JMJD7: variants seen among roughly 807,000 people sequenced by gnomAD.
JMJD7 encodes the protein bifunctional peptidase and (3S)-lysyl hydroxylase JMJD7.
JMJD7 carries 41 observed loss-of-function variants against 41.1 expected under a neutral mutation model. That is an observed-to-expected ratio of 1.00 (90% confidence interval 0.78 to 1.30). JMJD7 has a LOEUF of 1.30. Ranked by LOEUF, JMJD7 falls within the 50% of genes most tolerant of loss-of-function variation. The pLI is 0.00. For missense variants in JMJD7, 480 were observed against 420.7 expected (o/e 1.14, Z -1.23); for synonymous variants, 202 against 177.2 (o/e 1.14, Z -1.11).
intron 1 of JMJD7, among the ~76,000 whole-genome samples, chr15:41,831,496 A>T (rs888898468): frequency 6.6e-6 from 1 of 152,226 alleles, no homozygotes; most frequent in African/African-American, 2.4e-5. Context: ...TAACCACCAA[A>T]TGGAAACCAC....
intron 1 of JMJD7, among the ~76,000 whole-genome samples, chr15:41,830,182 C>T (rs1314094122): frequency 1.3e-5 from 2 of 152,172 alleles, no homozygotes; most frequent in Non-Finnish European, 2.9e-5. Context: ...GCAGCCTGAA[C>T]CTCGCTCCCT....
intron 1 of JMJD7, among the ~76,000 whole-genome samples, chr15:41,832,955 C>G (rs2065250297): frequency 6.6e-6 from 1 of 152,132 alleles, no homozygotes; most frequent in African/African-American, 2.4e-5. Flanking sequence ...AAAGGTACCA[C>G]CTGAATAGAG....
chr15:41,836,955 A>G lies in JMJD7; in HGVS notation c.862+15A>G, dbSNP rs2065331032. On this transcript the variant is annotated intron_variant, in intron 7 of 7. Coordinates refer to ENST00000397299, the MANE Select transcript of JMJD7 (RefSeq NM_001114632.2). ...CTGCATCGCAGGTGAAGAGTTGCCCAGGCCGCCTGGGGAGAGGCCCTGTCA... is the reference window on the plus strand; with the variant it reads ...CTGCATCGCAGGTGAAGAGTTGCCCGGGCCGCCTGGGGAGAGGCCCTGTCA... The G allele has an allele frequency of 6.2e-7, 1 of 1,611,744 alleles. No homozygotes were observed.
chr15:41,835,679 G>A, intron 4 of JMJD7, 35 bp downstream of exon 4: 1 of 1,600,262 alleles, frequency 6.2e-7, no homozygotes, highest in Non-Finnish European at 8.5e-7. Context: ...TGGGGAAGGA[G>A]CAGGTTGGGG....
intron 1 of JMJD7, among the ~76,000 whole-genome samples, chr15:41,834,485 G>C (rs189220103): frequency 6.6e-6 from 1 of 152,376 alleles, no homozygotes; most frequent in Admixed American, 6.5e-5. Flanking sequence ...CCCCACAGGG[G>C]ATTTGGCTTA....
At chr15:41,835,770 T>G in intron 4 of JMJD7, 126 bp downstream of exon 4, 2 of 1,229,130 alleles carry the variant, frequency 1.6e-6, no homozygotes, top group Non-Finnish European at 2.2e-6. Context: ...TTCTTTTGGC[T>G]TCTAGGACTC....
In JMJD7 at chr15:41,835,008, C is replaced by T; in HGVS notation, c.257C>T (p.Thr86Ile). The T allele has an allele frequency of 1.2e-6, 2 of 1,614,094 alleles. No individual in the cohort carries two copies. The highest frequency in any genetic ancestry group is 2.2e-5 in the East Asian group (1 of 44,888). ...VGSTEVSVAV[T>I]PDGYADAVRG... Reference sequence around the variant, plus strand: ...TCCACAGAGGTGAGTGTGGCCGTGACCCCAGATGGTTACGCGGATGCCGTG... The same window carrying T: ...TCCACAGAGGTGAGTGTGGCCGTGATCCCAGATGGTTACGCGGATGCCGTG... Residue 86 changes from threonine to isoleucine, a missense_variant, in exon 3 of 8, where the codon ACC becomes ATC. Thr to Ile is a moderately conservative substitution (Grantham distance 89). Coordinates refer to ENST00000397299, the MANE Select transcript of JMJD7 (RefSeq NM_001114632.2).
intron 1 of JMJD7, chr15:41,828,489 C>T (rs1435097699): frequency 6.4e-6 from 2 of 310,112 alleles, no homozygotes; most frequent in Non-Finnish European, 1.2e-5. Flanking sequence ...TCATCGAAGG[C>T]ACACAGCTGG....
chr15:41,837,037 C>T (rs2140883162), intron 7 of JMJD7, 31 bp from the exon 8 acceptor site: 1 of 1,609,492 alleles, frequency 6.2e-7, no homozygotes, highest in Non-Finnish European at 8.5e-7. Flanking sequence ...GAAGAGGGAT[C>T]TTCATGCTCA....
rs767689174 is a variant in JMJD7, at chr15:41,837,124, G to A, written c.919G>A (p.Asp307Asn). 51 of 1,613,076 alleles carry A rather than the reference G, an allele frequency of 3.2e-5. No homozygotes were observed. Among genetic ancestry groups the A allele is most frequent in the East Asian group, 2.9e-4 (13 of 44,880 alleles). ...CAAGTATAGTTACTTCCAGCTGCTC[G>A]ACTCCCTCACCAAGGCTTCAGGCCT... ...DLKYSYFQLLDSLTKASGLD is the reference protein window; with the variant it reads ...DLKYSYFQLLNSLTKASGLD Residue 307 changes from aspartate (D) to asparagine (N), a missense_variant, in exon 8 of 8, where the codon GAC becomes AAC. Asp to Asn is a conservative substitution (Grantham distance 23). Coordinates refer to ENST00000397299, the MANE Select transcript of JMJD7 (RefSeq NM_001114632.2).
chr15:41,828,162 T>TA lies in JMJD7; in HGVS notation c.39dup (p.Arg14ThrfsTer91). 6.7e-7 allele frequency: 1 copy of TA among 1,492,782 alleles called. No homozygotes were observed. Among genetic ancestry groups the TA allele is most frequent in the Non-Finnish European group, 8.8e-7 (1 of 1,130,124 alleles). 92.5% of individuals were successfully genotyped at this position (1,492,782 alleles called of 1,614,324 possible). Reference sequence around the variant, plus strand: ...GCTTTGGAAGCCGTGCGGAGCGAGTTACGAGAATTCCCGGCCGCTGCAAGG... The same window carrying TA: ...GCTTTGGAAGCCGTGCGGAGCGAGTTAACGAGAATTCCCGGCCGCTGCAAGG... On this transcript the variant is annotated frameshift_variant, in exon 1 of 8. Transcript: ENST00000397299. LOFTEE classifies it high-confidence loss of function.
intron 7 of JMJD7, 59 bp downstream of exon 7, chr15:41,836,999 G>C (rs929013359): frequency 1.4e-5 from 22 of 1,608,308 alleles, no homozygotes; most frequent in South Asian, 3.3e-5. Context: ...CAGGGCCTCT[G>C]GGGGGAGGCT....
chr15:41,830,810 C>T (rs1472514058), intron 1 of JMJD7, among the ~76,000 whole-genome samples: 3 of 152,260 alleles, frequency 2.0e-5, no homozygotes, highest in Non-Finnish European at 2.9e-5. Context: ...AGTGCTGACA[C>T]ACCAGCCCCC....
At chr15:41,833,617 C>T (rs2065266145) in intron 1 of JMJD7, among the ~76,000 whole-genome samples, 1 of 151,184 alleles carries the variant, frequency 6.6e-6, no homozygotes. Context: ...GATGGGGTCT[C>T]CCTACGTTGC....
At position 41,836,934 on chromosome 15, in the gene JMJD7, A is replaced by G. The variant is rs1247699889; in HGVS notation, c.856A>G (p.Ile286Val). The G allele has an allele frequency of 3.1e-6, 5 of 1,612,816 alleles. No individual in the cohort carries two copies. Among genetic ancestry groups the G allele is most frequent in the Non-Finnish European group, 3.4e-6 (4 of 1,179,312 alleles). ...FHHVQQSQGC[I>V]AVNFWYDMEY... Reference sequence around the variant, plus strand: ...CCACGTCCAGCAGTCCCAGGGCTGCATCGCAGGTGAAGAGTTGCCCAGGCC... The same window carrying G: ...CCACGTCCAGCAGTCCCAGGGCTGCGTCGCAGGTGAAGAGTTGCCCAGGCC... The change falls in exon 7 of 8, where the codon ATC (isoleucine) becomes GTC (valine). Residue 286 changes from isoleucine to valine, a missense_variant. Physicochemically the swap from Ile to Val is conservative, Grantham distance 29 (BLOSUM62 3). Transcript: ENST00000397299.
Position 41,834,799 on chromosome 15 carries a change from T to C in JMJD7, c.124T>C (p.Tyr42His). The C allele has an allele frequency of 1.1e-5, 18 of 1,614,196 alleles. No individual in the cohort carries two copies. The highest frequency in any genetic ancestry group is 1.5e-5 in the Non-Finnish European group (18 of 1,180,036). The stretch of plus-strand genomic sequence containing the variant: ...CAAACCCCCAACTCCGCTCCACTTC[T>C]ACCGGGACTGGGTCTGCCCCAACAG... Reference protein sequence around the residue: ...LDKPPTPLHFYRDWVCPNRPC... With the variant: ...LDKPPTPLHFHRDWVCPNRPC... The change falls in exon 2 of 8, where the codon TAC becomes CAC. Residue 42 changes from tyrosine (Y) to histidine (H), a missense_variant. Coordinates refer to ENST00000397299, the MANE Select transcript of JMJD7 (RefSeq NM_001114632.2).
chr15:41,834,887 A>G lies in JMJD7; in HGVS notation c.212A>G (p.Tyr71Cys), dbSNP rs148006565. 69 of 1,613,552 alleles carry G rather than the reference A, an allele frequency of 4.3e-5. No individual in the cohort carries two copies. Among genetic ancestry groups the G allele is most frequent in the African/African-American group, 6.7e-5 (5 of 74,856 alleles). The part of the protein sequence containing the change: ...WPALQKWSLP[Y>C]FRATVGSTEV... ...GCCCTCCAGAAGTGGTCCCTCCCCT[A>G]TTTCAGGTGGGAGCTGCCCTGGGGT... Residue 71 changes from tyrosine to cysteine, a missense_variant, in exon 2 of 8, where the codon TAT (tyrosine) becomes TGT (cysteine). Coordinates refer to ENST00000397299, the MANE Select transcript of JMJD7 (RefSeq NM_001114632.2).
intron 1 of JMJD7, among the ~76,000 whole-genome samples, chr15:41,833,414 A>ATATATATATATATATATAGATGTTTGT (rs1239528383): frequency 3.1e-5 from 1 of 31,998 alleles, no homozygotes; most frequent in Non-Finnish European, 6.1e-5. Context: ...ATATATATAT[A>ATATATATATATATATATAGATGTTTGT]TTTTTTTTTT....
chr15:41,833,430 T>TTTTTA (rs1395812090), intron 1 of JMJD7, among the ~76,000 whole-genome samples: 3 of 101,832 alleles, frequency 2.9e-5, no homozygotes, highest in African/African-American at 8.9e-5. Context: ...TTTTTTTTTT[T>TTTTTA]TTTTTTTTGA....
Sources: gnomAD v4.1 joint callset for allele counts (sites outside exome capture counted in the v4.1 genomes callset) on GRCh38, gnomAD v4.1.1 for gene constraint, MANE v1.5 for transcripts, NCBI Gene and HGNC (gene_info 2026-07-23, HGNC 2026-07-21) for gene names.